The following ASXL3 variants were observed in gnomAD, a reference collection of about 807,000 sequenced individuals.
ASXL3 encodes the protein ASXL transcriptional regulator 3.
ASXL3 carries 34 observed loss-of-function variants against 170.6 expected under a neutral mutation model. The observed-to-expected ratio is 0.20, with a 90% confidence interval of 0.15 to 0.27. ASXL3 has a LOEUF of 0.27. ASXL3 is among the 10% of genes least tolerant of loss of function. The probability of loss-of-function intolerance (pLI) is 1.00; values close to 1 mark genes in which losing one functional copy is unlikely to be tolerated. For missense variants in ASXL3, 2,592 were observed against 2,695.3 expected (o/e 0.96, Z 0.85); for synonymous variants, 1,002 against 989.1 (o/e 1.01, Z -0.24).
At chr18:33,595,520 C>A (rs973281033) in intron 1 of ASXL3, among the ~76,000 whole-genome samples, 6 of 152,054 alleles carry the variant, frequency 3.9e-5, no homozygotes, top group Admixed American at 3.9e-4. Context: ...GGTCATCTAA[C>A]CAATTTAATG....
chr18:33,715,207 G>A (rs931192753), intron 8 of ASXL3, among the ~76,000 whole-genome samples: 1 of 152,182 alleles, frequency 6.6e-6, no homozygotes, highest in African/African-American at 2.4e-5. Context: ...ATGTGTGGAT[G>A]TGTTAATTTA....
intron 8 of ASXL3, among the ~76,000 whole-genome samples, chr18:33,722,666 A>T (rs973338500): frequency 6.6e-6 from 1 of 152,184 alleles, no homozygotes; most frequent in South Asian, 2.1e-4. Context: ...GCAGTGGCTG[A>T]TGTAGAAGCC....
intron 2 of ASXL3, among the ~76,000 whole-genome samples, chr18:33,628,698 A>T (rs1448216478): frequency 6.6e-6 from 1 of 152,068 alleles, no homozygotes; most frequent in Non-Finnish European, 1.5e-5. Context: ...GACAAATATC[A>T]GGTGTTTACT....
At position 33,670,679 on chromosome 18, in the gene ASXL3, AG is replaced by A; in HGVS notation, c.486del (p.Arg162SerfsTer12). ...TTTTTATTATGTTTTGTAGGCTTTG[AG>A]GCAGCAGCAGAAAAGAAGAAATGGA... ...HTKKALKQAL[R>X]QQQKRRNGVS... is the part of the protein sequence containing the mutation. On this transcript the variant is annotated frameshift_variant, in exon 6 of 12. Transcript: ENST00000269197. LOFTEE classifies it high-confidence loss of function. 6.4e-7 allele frequency: 1 copy of A among 1,554,740 alleles called. No individual in the cohort carries two copies. Among genetic ancestry groups the A allele is most frequent in the Non-Finnish European group, 8.7e-7 (1 of 1,148,708 alleles).
chr18:33,591,298 T>G (rs2145098047), intron 1 of ASXL3, among the ~76,000 whole-genome samples: 1 of 152,298 alleles, frequency 6.6e-6, no homozygotes, highest in South Asian at 2.1e-4. Context: ...CTCTACTTTT[T>G]CAGCTTGGAA....
chr18:33,630,154 A>G (rs2065656134), intron 2 of ASXL3, among the ~76,000 whole-genome samples: 1 of 151,972 alleles, frequency 6.6e-6, no homozygotes, highest in Non-Finnish European at 1.5e-5. Flanking sequence ...AGTGTCACAT[A>G]CTAAGTCTGG....
Position 33,671,789 on chromosome 18 carries a change from A to AAATGAAAC in ASXL3, c.640_647dup (p.His216GlnfsTer2), listed in dbSNP as rs1194073411. The AAATGAAAC allele has an allele frequency of 6.2e-7, 1 of 1,610,884 alleles. No individual in the cohort carries two copies. Among genetic ancestry groups the AAATGAAAC allele is most frequent in the Non-Finnish European group, 8.5e-7 (1 of 1,178,058 alleles). ...GGTGAAGCAGACAGTTCAGATAAAG[A>AAATGAAAC]AATGAAACATGGGCAAAAATCTCCC... On this transcript the variant is annotated frameshift_variant, in exon 7 of 12. Transcript: ENST00000269197. LOFTEE classifies it high-confidence loss of function.
intron 8 of ASXL3, among the ~76,000 whole-genome samples, chr18:33,729,599 G>T (rs1004832873): frequency 6.6e-6 from 1 of 151,992 alleles, no homozygotes; most frequent in Non-Finnish European, 1.5e-5. Context: ...AAAGTAACTG[G>T]TCATAATATT....
intron 8 of ASXL3, among the ~76,000 whole-genome samples, chr18:33,719,098 C>T (rs1302099487): frequency 6.6e-6 from 1 of 151,998 alleles, no homozygotes; most frequent in African/African-American, 2.4e-5. Context: ...TTCTTGTTAG[C>T]TAAGAATATC....
rs769358334 is a variant in ASXL3 at position 33,744,111 on chromosome 18, G to A, written c.4263G>A (p.Leu1421=). The A allele has an allele frequency of 2.0e-5, 33 of 1,613,884 alleles. No individual in the cohort carries two copies. Among genetic ancestry groups the A allele is most frequent in the South Asian group, 7.7e-5 (7 of 91,092 alleles). Residue 1421 remains leucine (L), a synonymous_variant, in exon 12 of 12, where the codon CTG becomes CTA. Transcript: ENST00000269197. ...PTVAMFTGNM[L]TINSYDSPPK... ...TCGCAATGTTTACTGGAAACATGCT[G>A]ACAATAAACTCTTATGATAGTCCTC...
In ASXL3 at chr18:33,670,668, T is replaced by C. The variant is rs1362590216; in HGVS notation, c.478-5T>C. 3.9e-6 allele frequency: 6 copies of C among 1,530,452 alleles called. No individual in the cohort carries two copies. The East Asian group carries it at 1.2e-4, about 31-fold the overall frequency. The allele number at this position is 1,530,452 out of a possible 1,614,324, so 94.8% of individuals were successfully genotyped here. The stretch of plus-strand genomic sequence containing the variant: ...TATGTTATATCTTTTTATTATGTTT[T>C]GTAGGCTTTGAGGCAGCAGCAGAAA... On this transcript the variant is annotated splice_polypyrimidine_tract_variant and splice_region_variant and intron_variant, in intron 5 of 11. Coordinates refer to ENST00000269197, the MANE Select transcript of ASXL3 (RefSeq NM_030632.3).
chr18:33,660,144 G>A (rs756517860), intron 4 of ASXL3, among the ~76,000 whole-genome samples: 3 of 151,976 alleles, frequency 2.0e-5, no homozygotes, highest in Non-Finnish European at 4.4e-5. Flanking sequence ...TATGACCATG[G>A]GCAAGTTATT....
chr18:33,729,952 A>G lies in ASXL3; in HGVS notation c.880-2016A>G, dbSNP rs74586671. Reference sequence around the variant, plus strand: ...CCTATTGCAGCAGTCTTATTTCCTCATGATGGTTAGGGCTGATTGATTATC... The same window carrying G: ...CCTATTGCAGCAGTCTTATTTCCTCGTGATGGTTAGGGCTGATTGATTATC... On this transcript the variant is annotated intron_variant, in intron 8 of 11. Transcript: ENST00000269197. 7.7e-3 allele frequency among the ~76,000 whole-genome samples: 1,170 copies of G among 152,130 alleles called. 10 individuals are homozygous for G. The highest frequency in any genetic ancestry group is 0.027 in the African/African-American group (1,132 of 41,510).
At chr18:33,613,603 A>G (rs1247745238) in intron 2 of ASXL3, among the ~76,000 whole-genome samples, 2 of 152,050 alleles carry the variant, frequency 1.3e-5, no homozygotes, top group Non-Finnish European at 2.9e-5. Flanking sequence ...TGTATGTAAA[A>G]CACTGTACAT....
At chr18:33,636,478 C>A (rs2065767862) in intron 2 of ASXL3, among the ~76,000 whole-genome samples, 1 of 152,014 alleles carries the variant, frequency 6.6e-6, no homozygotes, top group African/African-American at 2.4e-5. Context: ...CCGAATTGGA[C>A]CTGGGAGTTG....
chr18:33,601,877 A>G (rs868411293), intron 1 of ASXL3, among the ~76,000 whole-genome samples: 1 of 147,760 alleles, frequency 6.8e-6, no homozygotes, highest in Non-Finnish European at 1.5e-5. Context: ...TGCAGCCTCA[A>G]TTTCCTAGGC....
intron 2 of ASXL3, among the ~76,000 whole-genome samples, chr18:33,610,590 TA>T (rs1272700850): frequency 6.6e-6 from 1 of 151,998 alleles, no homozygotes; most frequent in East Asian, 1.9e-4. Flanking sequence ...CGCTGTACTG[TA>T]ATTTTGTCTT....
chr18:33,665,455 A>G (rs1343124334), intron 5 of ASXL3, among the ~76,000 whole-genome samples: 1 of 152,186 alleles, frequency 6.6e-6, no homozygotes, highest in Non-Finnish European at 1.5e-5. Flanking sequence ...GGTGCCTGAA[A>G]CAGCCCGCTG....
chr18:33,683,226 A>G (rs2066541936), intron 7 of ASXL3, among the ~76,000 whole-genome samples, 179 bp from the exon 8 acceptor site: 1 of 152,238 alleles, frequency 6.6e-6, no homozygotes, highest in East Asian at 1.9e-4. Context: ...ACAGACAGAC[A>G]CATAATGGAA....
Sources: allele counts gnomAD v4.1 joint callset (sites outside exome capture counted in the v4.1 genomes callset), GRCh38; gene constraint gnomAD v4.1.1; transcripts MANE v1.5; gene names NCBI Gene and HGNC (gene_info 2026-07-23, HGNC 2026-07-21).